NXPE2: variants seen among roughly 807,000 people sequenced by gnomAD.
The protein encoded by NXPE2 is NXPE family member 2.
NXPE2 carries 34 observed loss-of-function variants against 34.4 expected under a neutral mutation model. The observed-to-expected ratio is 0.99, with a 90% confidence interval of 0.75 to 1.31. The LOEUF (loss-of-function observed/expected upper bound fraction) is 1.31, where lower values mean the gene tolerates loss of function less well. Ranked by LOEUF, NXPE2 falls within the 40% of genes most tolerant of loss-of-function variation. The pLI, the probability that NXPE2 is intolerant of heterozygous loss-of-function variation, is 0.00. For synonymous variants in NXPE2, 235 were observed against 231.3 expected (o/e 1.02, Z -0.15); for missense variants, 649 against 672.5 (o/e 0.97, Z 0.39).
the NXPE2 span, among the ~76,000 whole-genome samples, chr11:114,722,928 C>A: frequency 6.6e-6 from 1 of 151,916 alleles, no homozygotes; most frequent in Non-Finnish European, 1.5e-5. Context: ...ATTTAGCAAA[C>A]AAAAGAAAAT....
the NXPE2 span, among the ~76,000 whole-genome samples, chr11:114,606,915 A>G: frequency 1.3e-5 from 2 of 151,712 alleles, no homozygotes; most frequent in African/African-American, 2.4e-5. Context: ...CCGGTGGATA[A>G]TAAGTATTGT....
chr11:114,779,359 G>A, the NXPE2 span, among the ~76,000 whole-genome samples: 5 of 152,180 alleles, frequency 3.3e-5, no homozygotes, highest in African/African-American at 4.8e-5. Flanking sequence ...GGGGCGGTGT[G>A]GGGGGCTTGA....
chr11:114,801,852 G>T, the NXPE2 span, among the ~76,000 whole-genome samples: 1 of 152,196 alleles, frequency 6.6e-6, no homozygotes, highest in African/African-American at 2.4e-5. Flanking sequence ...GGGGGTAGGG[G>T]CAGAGAGGAG....
chr11:114,470,682 C>T, the NXPE2 span, among the ~76,000 whole-genome samples: 1 of 150,674 alleles, frequency 6.6e-6, no homozygotes, highest in African/African-American at 2.4e-5. Context: ...GCTGGCAAGT[C>T]CAAAATCTGT....
upstream of NXPE2, among the ~76,000 whole-genome samples, chr11:114,677,171 A>T (rs1015676116): frequency 1.3e-5 from 2 of 152,074 alleles, no homozygotes; most frequent in Non-Finnish European, 2.9e-5. Flanking sequence ...TTTACTTTAC[A>T]CAGGATGAAT....
chr11:114,577,043 A>C, the NXPE2 span, among the ~76,000 whole-genome samples: 7 of 30,078 alleles, frequency 2.3e-4, no homozygotes, highest in Non-Finnish European at 4.4e-4. Context: ...ATATATATAA[A>C]GTTATATATA....
the NXPE2 span, among the ~76,000 whole-genome samples, chr11:114,805,971 C>T: frequency 6.6e-6 from 1 of 152,200 alleles, no homozygotes. Flanking sequence ...ACACCTCACA[C>T]TGCCGGGTAC....
chr11:114,566,687 A>G, the NXPE2 span, among the ~76,000 whole-genome samples: 1 of 149,892 alleles, frequency 6.7e-6, no homozygotes, highest in South Asian at 2.1e-4. Flanking sequence ...CACATGTAAT[A>G]TCAAGGGATT....
chr11:114,480,697 C>T, the NXPE2 span, among the ~76,000 whole-genome samples: 33 of 152,270 alleles, frequency 2.2e-4, no homozygotes, highest in Admixed American at 5.2e-4. Flanking sequence ...ATTAATACAG[C>T]GACCGTTGGT....
At chr11:114,627,953 T>C in the NXPE2 span, among the ~76,000 whole-genome samples, 8 of 151,968 alleles carry the variant, frequency 5.3e-5, no homozygotes, top group East Asian at 1.5e-3. Context: ...AGGGATCAAC[T>C]CAACAAGAAG....
the NXPE2 span, among the ~76,000 whole-genome samples, chr11:114,603,203 A>G: frequency 3.9e-5 from 6 of 152,006 alleles, no homozygotes; most frequent in Non-Finnish European, 7.4e-5. Flanking sequence ...CTCGTCTCCT[A>G]GGTAACTCCT....
At chr11:114,785,744 G>A in the NXPE2 span, among the ~76,000 whole-genome samples, 1 of 152,148 alleles carries the variant, frequency 6.6e-6, no homozygotes, top group Non-Finnish European at 1.5e-5. Flanking sequence ...TGTCAGTATT[G>A]TCATTCACAT....
chr11:114,641,170 T>C, the NXPE2 span, among the ~76,000 whole-genome samples: 1 of 151,904 alleles, frequency 6.6e-6, no homozygotes, highest in Non-Finnish European at 1.5e-5. Flanking sequence ...AAGATTAGGC[T>C]GAAGAACTCT....
chr11:114,747,639 T>C, the NXPE2 span, among the ~76,000 whole-genome samples: 1 of 152,248 alleles, frequency 6.6e-6, no homozygotes, highest in East Asian at 1.9e-4. Flanking sequence ...AGGGGGGAAC[T>C]GCCAAGCACT....
chr11:114,748,918 G>T, the NXPE2 span, among the ~76,000 whole-genome samples: 2 of 152,120 alleles, frequency 1.3e-5, no homozygotes, highest in African/African-American at 4.8e-5. Context: ...ATAATTAGTT[G>T]CCATCATTGT....
chr11:114,509,821 G>A, the NXPE2 span, among the ~76,000 whole-genome samples: 1 of 152,044 alleles, frequency 6.6e-6, no homozygotes. Flanking sequence ...TAACTATTGG[G>A]TACTAGGTTT....
the NXPE2 span, among the ~76,000 whole-genome samples, chr11:114,513,904 CAT>C: frequency 6.6e-6 from 1 of 152,154 alleles, no homozygotes; most frequent in South Asian, 2.1e-4. Context: ...GAATCGGTAT[CAT>C]GTGAACATGG....
chr11:114,675,260 T>C (rs1565377650), upstream of NXPE2, among the ~76,000 whole-genome samples: 1 of 151,790 alleles, frequency 6.6e-6, no homozygotes, highest in Non-Finnish European at 1.5e-5. Flanking sequence ...AATAAGAGGA[T>C]ACCCACTCTT....
At chr11:114,530,206 G>A in the NXPE2 span, 12 of 1,611,430 alleles carry the variant, frequency 7.4e-6, no homozygotes, top group African/African-American at 1.3e-5. Flanking sequence ...TTGTCTGTAA[G>A]ATAAGATACC....
Sources: allele counts gnomAD v4.1 joint callset (sites outside exome capture counted in the v4.1 genomes callset), GRCh38; gene constraint gnomAD v4.1.1; transcripts MANE v1.5; gene names NCBI Gene and HGNC (gene_info 2026-07-23, HGNC 2026-07-21).